Variants in FAT3 observed in about 807,000 individuals in gnomAD.
The protein encoded by FAT3 is protocadherin Fat 3.
Under a neutral mutation model 310.2 loss-of-function variants are expected in FAT3, and 95 were observed. That is an observed-to-expected ratio of 0.31 (90% CI 0.26 to 0.36). The LOEUF is 0.36. FAT3 is among the 10% of genes least tolerant of loss of function. The probability of loss-of-function intolerance (pLI) is 1.00; values close to 1 mark genes in which losing one functional copy is unlikely to be tolerated. For missense variants in FAT3, 5,408 were observed against 5,715.6 expected (o/e 0.95, Z 1.74); for synonymous variants, 2,314 against 2,192.9 (o/e 1.06, Z -1.54).
At chr11:92,786,132 C>T (rs952351377) in intron 7 of FAT3, among the ~76,000 whole-genome samples, 1 of 151,978 alleles carries the variant, frequency 6.6e-6, no homozygotes, top group South Asian at 2.1e-4. Flanking sequence ...GGAAAATAAT[C>T]GCAGTATGCC....
In FAT3 at chr11:92,255,476, A is replaced by G. The variant is rs549177042; in HGVS notation, c.-18+30302A>G. On this transcript the variant is annotated intron_variant, in intron 1 of 27. Coordinates refer to ENST00000525166, the MANE Select transcript of FAT3 (RefSeq NM_001367949.2). ...GAGTATGGACTCACTACATAAAAGC[A>G]TATTAAATATATGAATGACTGATTG... Among the ~76,000 whole-genome samples the G allele has an allele frequency of 1.8e-4, 28 of 152,226 alleles. 1 individual carries two copies. In the South Asian group the frequency reaches 5.6e-3, roughly 30 times the overall value.
intron 1 of FAT3, among the ~76,000 whole-genome samples, chr11:92,256,991 T>C (rs1417383666): frequency 6.6e-6 from 1 of 152,100 alleles, no homozygotes; most frequent in Non-Finnish European, 1.5e-5. Flanking sequence ...GAACAAACTT[T>C]GCTCCTCTTC....
At chr11:92,730,162 C>T (rs747864577) in intron 4 of FAT3, among the ~76,000 whole-genome samples, 2 of 151,896 alleles carry the variant, frequency 1.3e-5, no homozygotes, top group South Asian at 2.1e-4. Context: ...ATACTGAGAC[C>T]CCCATCTCTA....
At chr11:92,590,070 A>T (rs1939350455) in intron 3 of FAT3, among the ~76,000 whole-genome samples, 1 of 152,122 alleles carries the variant, frequency 6.6e-6, no homozygotes, top group African/African-American at 2.4e-5. Context: ...ATGTCATTCC[A>T]ATAAGTTTTC....
At chr11:92,242,280 A>G (rs1399835406) in intron 1 of FAT3, among the ~76,000 whole-genome samples, 2 of 152,070 alleles carry the variant, frequency 1.3e-5, no homozygotes, top group Non-Finnish European at 2.9e-5. Context: ...TTACCTGTCT[A>G]CTGATGGTAA....
chr11:92,488,769 A>G (rs2135227445), intron 2 of FAT3, among the ~76,000 whole-genome samples: 1 of 152,130 alleles, frequency 6.6e-6, no homozygotes, highest in East Asian at 1.9e-4. Flanking sequence ...CTCAGCCTGG[A>G]TGAGGAGTCT....
Position 92,273,284 on chromosome 11 carries a change from A to G in FAT3, c.-18+48110A>G, listed in dbSNP as rs1946178475. Among the ~76,000 whole-genome samples the G allele has an allele frequency of 2.0e-5, 3 of 152,086 alleles. No homozygotes were observed. In the South Asian group the frequency reaches 6.2e-4, roughly 32 times the overall value. On this transcript the variant is annotated intron_variant, in intron 1 of 27. Transcript: ENST00000525166. The stretch of plus-strand genomic sequence containing the variant: ...TAAAATAGCTTCAACTTTTGGGGAA[A>G]AGTAAAATTACTTCTTTAACATCCT...
At chr11:92,270,144 G>A (rs1232911740) in intron 1 of FAT3, among the ~76,000 whole-genome samples, 1 of 152,164 alleles carries the variant, frequency 6.6e-6, no homozygotes, top group Non-Finnish European at 1.5e-5. Context: ...TCTCAGCAGC[G>A]TTTGGTACAT....
chr11:92,415,849 CTTTTTTTTTTTT>C (rs1196695394), intron 2 of FAT3, among the ~76,000 whole-genome samples: 2 of 70,440 alleles, frequency 2.8e-5, no homozygotes, highest in Non-Finnish European at 5.6e-5. Flanking sequence ...AGCATTTTTG[CTTTTTTTTTTTT>C]TTTTTTTTTT....
At chr11:92,803,659 C>T (rs959992563) in intron 10 of FAT3, among the ~76,000 whole-genome samples, 5 of 152,168 alleles carry the variant, frequency 3.3e-5, no homozygotes, top group African/African-American at 1.2e-4. Context: ...GGATGTGTGG[C>T]AGCATCCCTG....
chr11:92,354,690 T>A lies in FAT3; in HGVS notation c.2578T>A (p.Leu860Ile), dbSNP rs1267446698. 1 of 1,613,836 alleles carries A rather than the reference T, an allele frequency of 6.2e-7. No homozygotes were observed. The highest frequency in any genetic ancestry group is 1.3e-5 in the African/African-American group (1 of 75,028). The change falls in exon 2 of 28, where the codon TTA becomes ATA. Residue 860 changes from leucine (L) to isoleucine (I), a missense_variant. This residue lies in a region of FAT3 where 4,588 missense variants were observed against 4,809.8 expected (regional missense o/e 0.95). Transcript: ENST00000525166. ...TCAAGTGGAAGCCAGAGACAAAGACTTAGGTTCTAATGGTGAAGTGACTTA... is the reference window on the plus strand; with the variant it reads ...TCAAGTGGAAGCCAGAGACAAAGACATAGGTTCTAATGGTGAAGTGACTTA... ...IIQVEARDKD[L>I]GSNGEVTYSV...
intron 22 of FAT3, among the ~76,000 whole-genome samples, chr11:92,878,687 C>A (rs376432889): frequency 1.6e-4 from 9 of 56,816 alleles, no homozygotes; most frequent in African/African-American, 5.1e-4. Flanking sequence ...AAAAAAAGTT[C>A]TTGGAAAATG....
chr11:92,499,713 A>ATGTG (rs1236694038), intron 2 of FAT3, among the ~76,000 whole-genome samples: 6 of 119,408 alleles, frequency 5.0e-5, no homozygotes, highest in African/African-American at 1.6e-4. Context: ...GTGTGTGTGT[A>ATGTG]TGTGTGTGTA....
At chr11:92,290,444 G>A (rs1341502343) in intron 1 of FAT3, among the ~76,000 whole-genome samples, 2 of 152,080 alleles carry the variant, frequency 1.3e-5, no homozygotes, top group African/African-American at 4.8e-5. Context: ...AAAAGGTTCT[G>A]TTTTCTGTGG....
chr11:92,389,342 G>A (rs1367402590), intron 2 of FAT3, among the ~76,000 whole-genome samples: 1 of 152,132 alleles, frequency 6.6e-6, no homozygotes, highest in Non-Finnish European at 1.5e-5. Context: ...TGCCCATAAC[G>A]GACCTAACAA....
intron 2 of FAT3, chr11:92,498,908 A>G (rs1459492346): frequency 6.6e-6 from 1 of 152,298 alleles, no homozygotes; most frequent in East Asian, 1.9e-4. Context: ...CACCTTTTGT[A>G]TGGCACTTGT....
chr11:92,781,936 A>C (rs750367575), intron 7 of FAT3, among the ~76,000 whole-genome samples: 22 of 152,158 alleles, frequency 1.4e-4, no homozygotes, highest in Non-Finnish European at 2.8e-4. Context: ...ATAATCTAAA[A>C]GTTACATTGA....
At chr11:92,308,629 C>T (rs1478319224) in intron 1 of FAT3, among the ~76,000 whole-genome samples, 1 of 152,094 alleles carries the variant, frequency 6.6e-6, no homozygotes, top group Non-Finnish European at 1.5e-5. Flanking sequence ...CATTAGAGCC[C>T]CTTGTGAGTT....
intron 13 of FAT3, among the ~76,000 whole-genome samples, chr11:92,813,962 A>T (rs1214328261): frequency 6.6e-6 from 1 of 152,206 alleles, no homozygotes; most frequent in African/African-American, 2.4e-5. Flanking sequence ...GGAGGTGATT[A>T]GGTCCTGAGG....
Sources: gnomAD v4.1 joint callset for allele counts (sites outside exome capture counted in the v4.1 genomes callset) on GRCh38, gnomAD v4.1.1 for gene constraint, gnomAD v4.1.1 regional missense constraint, MANE v1.5 for transcripts, NCBI Gene and HGNC (gene_info 2026-07-23, HGNC 2026-07-21) for gene names.